MICAL3: variants seen among roughly 807,000 people sequenced by gnomAD.
MICAL3 encodes the protein [F-actin]-monooxygenase MICAL3.
Under a neutral mutation model 207.4 loss-of-function variants are expected in MICAL3, and 62 were observed. That is an observed-to-expected ratio of 0.30 (90% confidence interval 0.24 to 0.37). The LOEUF is 0.37. MICAL3 is among the 10% of genes least tolerant of loss of function. MICAL3 has a pLI of 1.00. For missense variants in MICAL3, 2,368 were observed against 2,635.6 expected (o/e 0.90, Z 2.22); for synonymous variants, 1,077 against 1,069.3 (o/e 1.01, Z -0.14).
intron 1 of MICAL3, among the ~76,000 whole-genome samples, chr22:18,021,468 G>A (rs935411745): frequency 6.6e-6 from 1 of 152,248 alleles, no homozygotes; most frequent in Non-Finnish European, 1.5e-5. Flanking sequence ...TAAGTACTAG[G>A]GAAACCTGTG....
intron 10 of MICAL3, among the ~76,000 whole-genome samples, chr22:17,894,755 C>T (rs1930679549): frequency 6.7e-6 from 1 of 149,530 alleles, no homozygotes; most frequent in Non-Finnish European, 1.5e-5. Flanking sequence ...CAAGATCGTG[C>T]CACCACACTC....
intron 1 of MICAL3, among the ~76,000 whole-genome samples, chr22:17,962,255 T>G (rs4992882): frequency 0.2 from 30,269 of 151,922 alleles, 3,127 homozygotes; most frequent in Middle Eastern, 0.26. Context: ...CAAGCAAACA[T>G]GTCCTCAACT....
intron 19 of MICAL3, 186 bp downstream of exon 19, chr22:17,864,713 G>C: frequency 6.2e-7 from 1 of 1,613,250 alleles, no homozygotes; most frequent in Non-Finnish European, 8.5e-7. Context: ...ACCTCCGACA[G>C]GCCATAGAGA....
In MICAL3 at chr22:17,796,492, G is replaced by A. The variant is rs781134863; in HGVS notation, c.5651-5191C>T. 6.6e-6 allele frequency among the ~76,000 whole-genome samples: 1 copy of A among 152,232 alleles called. No homozygotes were observed. Among genetic ancestry groups the A allele is most frequent in the Non-Finnish European group, 1.5e-5 (1 of 68,034 alleles). On this transcript the variant is annotated intron_variant, in intron 29 of 31. Coordinates refer to ENST00000441493, the MANE Select transcript of MICAL3 (RefSeq NM_015241.3). This position sits in a 1 kb window ranked among gnomAD's most constrained non-coding sequence, Gnocchi z 4.4. ...CCAGGATGGGCAAATTCAAATGAGG[G>A]TTCTGAGGCTCAACGGAGTTAAGTG...
chr22:17,847,140 C>T (rs1569092678), intron 19 of MICAL3, among the ~76,000 whole-genome samples: 2 of 152,178 alleles, frequency 1.3e-5, no homozygotes, highest in Non-Finnish European at 2.9e-5. Flanking sequence ...CTTCCTCCTC[C>T]CTGCAGTGGT....
rs758884778 is a variant in MICAL3 at position 17,818,353 on chromosome 22, G to C, written c.4308C>G (p.Asn1436Lys). The C allele has an allele frequency of 4.4e-6, 7 of 1,598,372 alleles. No individual in the cohort carries two copies. Among genetic ancestry groups the C allele is most frequent in the Middle Eastern group, 1.7e-4 (1 of 6,030 alleles). ...AGCTCTGGCTGCCCAGTGTCTTCAT[G>C]TTGGAGGAGCTCCCGTGCAGGCCCA... ...SGLGLHGSSS[N>K]MKTLGSQSFN... is the part of the protein sequence containing the mutation. The change falls in exon 26 of 32, where the codon AAC becomes AAG. Residue 1436 changes from asparagine to lysine, a missense_variant. Coordinates refer to ENST00000441493, the MANE Select transcript of MICAL3 (RefSeq NM_015241.3).
chr22:17,905,301 CAT>C lies in MICAL3; in HGVS notation c.265-464_265-463del, dbSNP rs148624095. ...CCTCCTGGAATGAGTCTACCACACA[CAT>C]GATTCCCGGGAAGCAATTTTCAAGA... On this transcript the variant is annotated intron_variant, in intron 2 of 31. Transcript: ENST00000441493. Among the ~76,000 whole-genome samples, 787 of 152,302 alleles carry C rather than the reference CAT, an allele frequency of 5.2e-3. 6 individuals carry two copies. The highest frequency in any genetic ancestry group is 0.018 in the African/African-American group (738 of 41,570).
chr22:18,001,904 AG>A (rs1203212884), intron 1 of MICAL3, among the ~76,000 whole-genome samples: 1 of 152,230 alleles, frequency 6.6e-6, no homozygotes, highest in Non-Finnish European at 1.5e-5. Context: ...ATGTATTTAA[AG>A]GGGACTTGTT....
chr22:17,950,018 G>T (rs915816585), intron 1 of MICAL3, among the ~76,000 whole-genome samples: 1 of 152,236 alleles, frequency 6.6e-6, no homozygotes, highest in Non-Finnish European at 1.5e-5. Context: ...GATGTGATCA[G>T]AAACAGCCTG....
chr22:17,904,132 C>T (rs762746843), intron 3 of MICAL3, among the ~76,000 whole-genome samples: 2 of 152,250 alleles, frequency 1.3e-5, no homozygotes, highest in Non-Finnish European at 2.9e-5. Flanking sequence ...CATTAACGGC[C>T]AGGCCAGGGC....
chr22:17,893,852 T>C lies in MICAL3; in HGVS notation c.1502A>G (p.Glu501Gly). Residue 501 changes from glutamate (E) to glycine (G), a missense_variant, in exon 11 of 32, where the codon GAG (glutamate) becomes GGG (glycine). By Grantham distance (98) the Glu-to-Gly change is moderately conservative. Transcript: ENST00000441493. The stretch of plus-strand genomic sequence containing the variant: ...GGTGGTTCGGGAATTCACCAGGCTC[T>C]CCATTTCCAGGTGAATATCTTTTGT... ...GETKDIHLEM[E>G]SLVNSRTTPK... The C allele has an allele frequency of 6.3e-7, 1 of 1,576,812 alleles. No homozygotes were observed. The highest frequency in any genetic ancestry group is 8.6e-7 in the Non-Finnish European group (1 of 1,159,752).
intron 1 of MICAL3, among the ~76,000 whole-genome samples, chr22:17,941,391 T>C (rs1933799131): frequency 6.6e-6 from 1 of 152,222 alleles, no homozygotes; most frequent in South Asian, 2.1e-4. Context: ...CACATCCCCA[T>C]TCTCAGCTTC....
chr22:17,865,994 G>A lies in MICAL3; in HGVS notation c.2447C>T (p.Pro816Leu). The A allele has an allele frequency of 6.2e-7, 1 of 1,613,794 alleles. No homozygotes were observed. The highest frequency in any genetic ancestry group is 8.5e-7 in the Non-Finnish European group (1 of 1,179,678). ...GCCAGAGAGTCGATAGCAGTAGTGTGGCTTACAGTAGAATTTACCTGCAGA... is the reference window on the plus strand; with the variant it reads ...GCCAGAGAGTCGATAGCAGTAGTGTAGCTTACAGTAGAATTTACCTGCAGA... Reference protein sequence around the residue: ...DIEDGKFYCKPHYCYRLSGYA... With the variant: ...DIEDGKFYCKLHYCYRLSGYA... Residue 816 changes from proline to leucine, a missense_variant, in exon 18 of 32, where the codon CCA becomes CTA. Pro to Leu is a moderately conservative substitution (Grantham distance 98). This residue lies in a region of MICAL3 where 1,770 missense variants were observed against 1,863.2 expected (regional missense o/e 0.95). Coordinates refer to ENST00000441493, the MANE Select transcript of MICAL3 (RefSeq NM_015241.3).
intron 19 of MICAL3, among the ~76,000 whole-genome samples, chr22:17,856,662 C>T (rs941266802): frequency 1.4e-5 from 2 of 143,826 alleles, no homozygotes; most frequent in African/African-American, 2.6e-5. Flanking sequence ...TCGCCCAGGC[C>T]GGACTGCGGA....
intron 6 of MICAL3, among the ~76,000 whole-genome samples, 169 bp from the exon 7 acceptor site, chr22:17,899,717 AC>A (rs1191085340): frequency 3.3e-5 from 5 of 152,212 alleles, no homozygotes; most frequent in Non-Finnish European, 5.9e-5. Flanking sequence ...TCATGGAAAT[AC>A]AGGGAGTTTT....
intron 1 of MICAL3, among the ~76,000 whole-genome samples, chr22:17,967,486 A>ACACACCCACACACACACACACACC (rs1556491355): frequency 6.9e-6 from 1 of 145,592 alleles, no homozygotes; most frequent in African/African-American, 2.5e-5. Context: ...ACACACACAC[A>ACACACCCACACACACACACACACC]CACACACCCA....
chr22:17,864,497 G>A (rs979022015), intron 19 of MICAL3: 1 of 1,426,704 alleles, frequency 7.0e-7, no homozygotes, highest in African/African-American at 1.4e-5. Flanking sequence ...AAGGCCGAGT[G>A]GCCTTGGCCT....
intron 5 of MICAL3, among the ~76,000 whole-genome samples, chr22:17,901,294 T>C (rs1414933683): frequency 2.6e-5 from 4 of 152,196 alleles, no homozygotes; most frequent in Non-Finnish European, 5.9e-5. Flanking sequence ...GAGCACCTGC[T>C]TATTAATATG....
rs949395427 is a variant in MICAL3, at chr22:17,869,580, C to T, written c.2428+2257G>A. Among the ~76,000 whole-genome samples the T allele has an allele frequency of 5.3e-5, 8 of 152,296 alleles. 1 individual carries two copies. The South Asian group carries it at 1.0e-3, about 20-fold the overall frequency. ...AACAGCAGCTCTGTGTTTGAGCAGA[C>T]GGCATCCTCCAGAAAGAGCTGAAGA... On this transcript the variant is annotated intron_variant, in intron 17 of 31. Coordinates refer to ENST00000441493, the MANE Select transcript of MICAL3 (RefSeq NM_015241.3).
Sources: allele counts gnomAD v4.1 joint callset (sites outside exome capture counted in the v4.1 genomes callset), GRCh38; gene constraint gnomAD v4.1.1; regional missense constraint gnomAD v4.1.1; non-coding constraint Gnocchi (gnomAD v3.1); transcripts MANE v1.5; gene names NCBI Gene and HGNC (gene_info 2026-07-23, HGNC 2026-07-21).